NT5DC1: variants seen among roughly 807,000 people sequenced by gnomAD.
The protein encoded by NT5DC1 is 5'-nucleotidase domain containing 1.
NT5DC1 carries 42 observed loss-of-function variants against 59.4 expected under a neutral mutation model. The observed-to-expected ratio is 0.71, with a 90% confidence interval of 0.55 to 0.92. The LOEUF (loss-of-function observed/expected upper bound fraction) is 0.92. Ranked by LOEUF, NT5DC1 falls within the 40% of genes least tolerant of loss-of-function variation. The pLI, the probability that NT5DC1 is intolerant of heterozygous loss-of-function variation, is 0.00. For synonymous variants in NT5DC1, 172 were observed against 188.1 expected (o/e 0.91, Z 0.70); for missense variants, 501 against 537.1 (o/e 0.93, Z 0.66).
intron 6 of NT5DC1, among the ~76,000 whole-genome samples, chr6:116,136,385 C>T (rs1026361344): frequency 6.6e-6 from 1 of 152,018 alleles, no homozygotes; most frequent in African/African-American, 2.4e-5. Flanking sequence ...CACTGTGTTA[C>T]ATGCTTTATA....
At chr6:116,149,441 C>T (rs1222432044) in intron 6 of NT5DC1, among the ~76,000 whole-genome samples, 8 of 152,110 alleles carry the variant, frequency 5.3e-5, no homozygotes, top group Non-Finnish European at 1.2e-4. Context: ...TAAATTATTT[C>T]CCTGCCAGTA....
At chr6:116,150,142 T>C (rs1293005194) in intron 6 of NT5DC1, among the ~76,000 whole-genome samples, 1 of 152,104 alleles carries the variant, frequency 6.6e-6, no homozygotes, top group Non-Finnish European at 1.5e-5. Context: ...AGAGGCCAAG[T>C]CTTGAAGGAA....
At chr6:116,135,849 A>ATATATATATATATATATG (rs1562132583) in intron 6 of NT5DC1, among the ~76,000 whole-genome samples, 1 of 102,484 alleles carries the variant, frequency 9.8e-6, no homozygotes, top group South Asian at 2.5e-4. Flanking sequence ...ATATATATAT[A>ATATATATATATATATATG]TATATATATA....
chr6:116,170,168 C>T (rs1047580222), intron 6 of NT5DC1, among the ~76,000 whole-genome samples: 2 of 151,970 alleles, frequency 1.3e-5, no homozygotes, highest in Admixed American at 6.6e-5. Context: ...AACATTCTGT[C>T]GGTTTTGCTG....
intron 11 of NT5DC1, among the ~76,000 whole-genome samples, chr6:116,242,049 T>G (rs2114566361): frequency 1.3e-5 from 2 of 150,794 alleles, no homozygotes; most frequent in Middle Eastern, 3.5e-3. Flanking sequence ...GACCAAATAC[T>G]CCAATTAATA....
At chr6:116,172,317 C>CTTTTTTT (rs71554843) in intron 6 of NT5DC1, among the ~76,000 whole-genome samples, 7 of 108,016 alleles carry the variant, frequency 6.5e-5, no homozygotes, top group Admixed American at 2.1e-4. Context: ...CCCTTAGTAA[C>CTTTTTTT]TTTTTTTTTT....
At chr6:116,174,959 T>C (rs1205105523) in intron 6 of NT5DC1, among the ~76,000 whole-genome samples, 2 of 152,176 alleles carry the variant, frequency 1.3e-5, no homozygotes, top group Non-Finnish European at 2.9e-5. Flanking sequence ...TCTCCTTTTC[T>C]TAAGGATTAG....
intron 6 of NT5DC1, among the ~76,000 whole-genome samples, chr6:116,186,870 AT>A (rs1781011491): frequency 6.6e-6 from 1 of 151,958 alleles, no homozygotes; most frequent in Non-Finnish European, 1.5e-5. Flanking sequence ...TTTTCTGGCA[AT>A]TCAGAGATTT....
chr6:116,145,169 T>A (rs1779865461), intron 6 of NT5DC1, among the ~76,000 whole-genome samples: 1 of 152,164 alleles, frequency 6.6e-6, no homozygotes, highest in Admixed American at 6.5e-5. Flanking sequence ...CTCCTCACTC[T>A]GCAGTGAGAA....
At chr6:116,176,251 A>G (rs1780732409) in intron 6 of NT5DC1, among the ~76,000 whole-genome samples, 1 of 152,148 alleles carries the variant, frequency 6.6e-6, no homozygotes, top group African/African-American at 2.4e-5. Flanking sequence ...GCTCCAGCTA[A>G]TGTTTCAGCT....
chr6:116,183,436 G>A (rs1289921591), intron 6 of NT5DC1, among the ~76,000 whole-genome samples: 2 of 151,950 alleles, frequency 1.3e-5, no homozygotes, highest in Non-Finnish European at 2.9e-5. Context: ...GATGGGAATG[G>A]CATTGAATCT....
intron 6 of NT5DC1, chr6:116,121,746 C>G (rs917231402): frequency 6.2e-7 from 1 of 1,613,960 alleles, no homozygotes; most frequent in African/African-American, 1.3e-5. Context: ...CCTTTTGGTC[C>G]ATATGGTCCT....
chr6:116,229,653 ATC>A (rs1437994557), intron 8 of NT5DC1, among the ~76,000 whole-genome samples: 2 of 152,190 alleles, frequency 1.3e-5, no homozygotes, highest in East Asian at 3.8e-4. Context: ...ATACGGGGGA[ATC>A]TCTGACTTGC....
chr6:116,126,329 A>G (rs1779308318), intron 6 of NT5DC1, among the ~76,000 whole-genome samples: 1 of 152,096 alleles, frequency 6.6e-6, no homozygotes, highest in Non-Finnish European at 1.5e-5. Context: ...TGTCTTAAAT[A>G]TATATTAATA....
intron 6 of NT5DC1, among the ~76,000 whole-genome samples, chr6:116,118,310 G>T (rs1271739643): frequency 6.6e-6 from 1 of 152,150 alleles, no homozygotes; most frequent in Non-Finnish European, 1.5e-5. Context: ...CAAAATGTCT[G>T]CCGGCAGAAA....
chr6:116,192,098 T>C (rs1239443429), intron 6 of NT5DC1, among the ~76,000 whole-genome samples: 1 of 152,032 alleles, frequency 6.6e-6, no homozygotes, highest in Non-Finnish European at 1.5e-5. Flanking sequence ...GAATTTGTCA[T>C]GTGGACTTAA....
At chr6:116,201,209 A>T (rs972359848) in intron 6 of NT5DC1, among the ~76,000 whole-genome samples, 2 of 152,074 alleles carry the variant, frequency 1.3e-5, no homozygotes, top group African/African-American at 4.8e-5. Context: ...CAGATAAAAA[A>T]GTTTAATATA....
At chr6:116,243,791 G>T (rs1771783433) in intron 11 of NT5DC1, 118 bp from the exon 12 acceptor site, 1 of 537,752 alleles carries the variant, frequency 1.9e-6, no homozygotes, top group African/African-American at 1.9e-5. Context: ...AGGAGCAAAA[G>T]AAATATTAAA....
intron 6 of NT5DC1, among the ~76,000 whole-genome samples, chr6:116,178,567 A>G (rs1467092015): frequency 6.6e-6 from 1 of 152,256 alleles, no homozygotes; most frequent in Non-Finnish European, 1.5e-5. Context: ...GTCAGCTGGT[A>G]TGTGAAAGCC....
Sources: allele counts gnomAD v4.1 joint callset (sites outside exome capture counted in the v4.1 genomes callset), GRCh38; gene constraint gnomAD v4.1.1; transcripts MANE v1.5; gene names NCBI Gene and HGNC (gene_info 2026-07-23, HGNC 2026-07-21).